The following EGFLAM variants were observed in gnomAD, a reference collection of about 807,000 sequenced individuals.
The protein encoded by EGFLAM is EGF like, fibronectin type III and laminin G domains, also known as pikachurin.
Under a neutral mutation model 113.1 loss-of-function variants are expected in EGFLAM, and 79 were observed. The ratio of observed to expected loss-of-function variants is 0.70; its 90% confidence interval spans 0.58 to 0.84. EGFLAM has a LOEUF of 0.84. EGFLAM is among the 40% of genes least tolerant of loss of function. The pLI is 0.00. For synonymous variants in EGFLAM, 504 were observed against 487.6 expected, an observed-to-expected ratio of 1.03 and a Z score of -0.44; for missense variants, 1,265 against 1,291.6, an observed-to-expected ratio of 0.98 and a Z score of 0.32.
intron 14 of EGFLAM, among the ~76,000 whole-genome samples, chr5:38,428,018 T>C (rs764145929): frequency 3.3e-5 from 5 of 152,202 alleles, no homozygotes; most frequent in Non-Finnish European, 7.3e-5. Context: ...CATCTTTTTA[T>C]TGTGTTGATG....
intron 5 of EGFLAM, 51 bp downstream of exon 5, chr5:38,352,382 C>T (rs1739651854): frequency 1.2e-6 from 2 of 1,602,402 alleles, no homozygotes; most frequent in Non-Finnish European, 1.7e-6. Flanking sequence ...GGCGCGGTGG[C>T]TCACACCTGT....
chr5:38,452,279 G>A (rs559190707), intron 19 of EGFLAM, among the ~76,000 whole-genome samples: 2 of 152,050 alleles, frequency 1.3e-5, no homozygotes, highest in South Asian at 2.1e-4. Flanking sequence ...TGATCCACCC[G>A]CTTCGGCCTC....
At position 38,415,799 on chromosome 5, in the gene EGFLAM, C is replaced by A. The variant is rs147226389; in HGVS notation, c.1495-2267C>A. On this transcript the variant is annotated intron_variant, in intron 11 of 21. Coordinates refer to ENST00000322350, the MANE Select transcript of EGFLAM (RefSeq NM_152403.4). ...GGCTGGGAAGGCCTCAGGAAACTTA[C>A]AATCATGGTGGAAGGGGAAGCAAAC... Among the ~76,000 whole-genome samples the A allele has an allele frequency of 6.4e-3, 976 of 152,248 alleles. 9 individuals are homozygous for A. Among genetic ancestry groups the A allele is most frequent in the African/African-American group, 0.022 (908 of 41,540 alleles).
At chr5:38,306,099 C>A (rs1198694220) in intron 1 of EGFLAM, among the ~76,000 whole-genome samples, 1 of 152,174 alleles carries the variant, frequency 6.6e-6, no homozygotes, top group Non-Finnish European at 1.5e-5. Context: ...ATGGCCTGAC[C>A]TACAGAGCTC....
chr5:38,263,344 C>T (rs189313515), intron 1 of EGFLAM, among the ~76,000 whole-genome samples: 59 of 152,258 alleles, frequency 3.9e-4, no homozygotes, highest in African/African-American at 1.4e-3. Flanking sequence ...TGCCTGTAGT[C>T]TCAGCTACTT....
rs537379188 is a variant in EGFLAM, at chr5:38,326,868, G to A, written c.98-10652G>A. Reference sequence around the variant, plus strand: ...GGCTGGCGTTCAATGGCGCAATCTCGGCTCACAGCAACCTCCGCCTCCCAG... The same window carrying A: ...GGCTGGCGTTCAATGGCGCAATCTCAGCTCACAGCAACCTCCGCCTCCCAG... On this transcript the variant is annotated intron_variant, in intron 1 of 21. Transcript: ENST00000322350. Among the ~76,000 whole-genome samples, 3 of 141,994 alleles carry A rather than the reference G, an allele frequency of 2.1e-5. No individual in the cohort carries two copies. In the South Asian group the frequency reaches 6.7e-4, roughly 32 times the overall value. The allele number at this position is 141,994 out of a possible 152,430, so 93.2% of individuals were successfully genotyped here.
Position 38,464,042 on chromosome 5 carries a change from C to G in EGFLAM, c.*56C>G, listed in dbSNP as rs1029934156. 6.2e-7 allele frequency: 1 copy of G among 1,605,408 alleles called. No individual in the cohort carries two copies. The highest frequency in any genetic ancestry group is 1.7e-5 in the Admixed American group (1 of 59,712). Reference sequence around the variant, plus strand: ...CTTCTATTCTGAGAATCCCAGGGGCCCTCAGACCCTGCCTGATGCTATATG... The same window carrying G: ...CTTCTATTCTGAGAATCCCAGGGGCGCTCAGACCCTGCCTGATGCTATATG... On this transcript the variant is annotated 3_prime_UTR_variant, in exon 22 of 22. Transcript: ENST00000322350.
chr5:38,408,106 G>C (rs1314681679), intron 9 of EGFLAM, among the ~76,000 whole-genome samples: 1 of 152,200 alleles, frequency 6.6e-6, no homozygotes, highest in Non-Finnish European at 1.5e-5. Context: ...TGACAGTGAG[G>C]AGACGGTGGG....
chr5:38,374,741 G>T (rs558164496), intron 6 of EGFLAM, among the ~76,000 whole-genome samples: 1 of 152,326 alleles, frequency 6.6e-6, no homozygotes, highest in South Asian at 2.1e-4. Flanking sequence ...ATGGGAAAAG[G>T]CTGTTAGTTT....
At chr5:38,370,588 T>C (rs1740183012) in intron 6 of EGFLAM, 126 bp downstream of exon 6, 1 of 1,240,460 alleles carries the variant, frequency 8.1e-7, no homozygotes, top group African/African-American at 1.5e-5. Context: ...CAGGCTTTCC[T>C]CCTGTGGTTT....
At chr5:38,364,152 T>C (rs1181984161) in intron 5 of EGFLAM, among the ~76,000 whole-genome samples, 1 of 152,172 alleles carries the variant, frequency 6.6e-6, no homozygotes, top group East Asian at 1.9e-4. Flanking sequence ...CAAACATGTA[T>C]GTATGGAGTA....
intron 1 of EGFLAM, among the ~76,000 whole-genome samples, chr5:38,271,056 T>C (rs1428108791): frequency 6.6e-6 from 1 of 152,222 alleles, no homozygotes; most frequent in African/African-American, 2.4e-5. Context: ...TTGGTGTTTA[T>C]ATTAGTCATA....
Position 38,345,985 on chromosome 5 carries a change from G to A in EGFLAM, c.292-4516G>A, listed in dbSNP as rs1446942646. The A allele has an allele frequency of 5.3e-5, 8 of 152,156 alleles. No individual in the cohort carries two copies. In the South Asian group the frequency reaches 1.2e-3, roughly 24 times the overall value. The allele number at this position is 152,156 out of a possible 1,614,324, so 9.4% of individuals were successfully genotyped here. Reference sequence around the variant, plus strand: ...AAGGTGAAATCACTGAATTCAACACGTTTCTGTGGCCCTGACCACTCAGCC... The same window carrying A: ...AAGGTGAAATCACTGAATTCAACACATTTCTGTGGCCCTGACCACTCAGCC... On this transcript the variant is annotated intron_variant, in intron 3 of 21. Coordinates refer to ENST00000322350, the MANE Select transcript of EGFLAM (RefSeq NM_152403.4).
intron 3 of EGFLAM, among the ~76,000 whole-genome samples, chr5:38,340,690 A>G (rs1739311127): frequency 1.3e-5 from 2 of 152,186 alleles, no homozygotes; most frequent in Admixed American, 1.3e-4. Flanking sequence ...GTTGGGACTG[A>G]GGACCAAAGC....
chr5:38,361,417 C>A (rs1369047244), intron 5 of EGFLAM, among the ~76,000 whole-genome samples: 1 of 152,180 alleles, frequency 6.6e-6, no homozygotes, highest in Non-Finnish European at 1.5e-5. Flanking sequence ...GCAACGTCTA[C>A]CTTGCTCCTT....
chr5:38,335,013 T>C (rs1342446693), intron 1 of EGFLAM, among the ~76,000 whole-genome samples: 1 of 152,128 alleles, frequency 6.6e-6, no homozygotes, highest in Admixed American at 6.6e-5. Flanking sequence ...CTGCTCAACA[T>C]CCTGTAATGC....
chr5:38,276,743 G>A (rs770254169), intron 1 of EGFLAM, among the ~76,000 whole-genome samples: 24 of 152,080 alleles, frequency 1.6e-4, no homozygotes, highest in Non-Finnish European at 2.5e-4. Flanking sequence ...ATGTATTACC[G>A]TGATACCACA....
At chr5:38,426,035 G>A (rs375384706) in intron 13 of EGFLAM, among the ~76,000 whole-genome samples, 26 of 151,804 alleles carry the variant, frequency 1.7e-4, no homozygotes, top group African/African-American at 3.9e-4. Context: ...CCCAGGAGGC[G>A]GAGGTTGCAG....
chr5:38,388,181 G>T (rs1195865585), intron 6 of EGFLAM, among the ~76,000 whole-genome samples: 1 of 152,208 alleles, frequency 6.6e-6, no homozygotes, highest in African/African-American at 2.4e-5. Context: ...AAAGAAGTAT[G>T]ATAACATAAT....
Sources: gnomAD v4.1 joint callset for allele counts (sites outside exome capture counted in the v4.1 genomes callset) on GRCh38, gnomAD v4.1.1 for gene constraint, MANE v1.5 for transcripts, NCBI Gene and HGNC (gene_info 2026-07-23, HGNC 2026-07-21) for gene names.